Variants in FUT8 observed in about 807,000 individuals in gnomAD.
The protein encoded by FUT8 is alpha-(1,6)-fucosyltransferase.
A neutral mutation model predicts 71.3 loss-of-function variants in FUT8; 29 were observed. That is an observed-to-expected ratio of 0.41 (90% CI 0.30 to 0.55). The LOEUF (loss-of-function observed/expected upper bound fraction) is 0.55. Ranked by LOEUF, FUT8 falls within the 20% of genes least tolerant of loss-of-function variation. The probability of loss-of-function intolerance (pLI) is 0.34; values close to 1 mark genes in which losing one functional copy is unlikely to be tolerated. For missense variants in FUT8, 544 were observed against 702.1 expected, an observed-to-expected ratio of 0.77 and a Z score of 2.55; for synonymous variants, 254 against 239.3, an observed-to-expected ratio of 1.06 and a Z score of -0.57.
At chr14:65,462,840 A>T (rs1057164109) in intron 2 of FUT8, among the ~76,000 whole-genome samples, 4 of 152,242 alleles carry the variant, frequency 2.6e-5, no homozygotes, top group African/African-American at 9.6e-5. Flanking sequence ...ATGTTTTTAG[A>T]TCTGGACAAA....
At chr14:65,687,417 A>G (rs1349137743) in intron 7 of FUT8, among the ~76,000 whole-genome samples, 1 of 152,166 alleles carries the variant, frequency 6.6e-6, no homozygotes, top group Non-Finnish European at 1.5e-5. Context: ...TTTGTATCAT[A>G]TTGTCATTTT....
At chr14:65,624,335 T>C (rs1889783420) in intron 5 of FUT8, among the ~76,000 whole-genome samples, 1 of 152,056 alleles carries the variant, frequency 6.6e-6, no homozygotes, top group Non-Finnish European at 1.5e-5. Context: ...TTGGTTATTC[T>C]GCTTTCTAGG....
At chr14:65,685,598 C>T (rs563159008) in intron 7 of FUT8, among the ~76,000 whole-genome samples, 6 of 152,286 alleles carry the variant, frequency 3.9e-5, no homozygotes, top group African/African-American at 7.2e-5. Context: ...CTACTCCATA[C>T]GCAGAGCAGC....
intron 2 of FUT8, among the ~76,000 whole-genome samples, chr14:65,487,108 G>C (rs910563357): frequency 6.6e-5 from 10 of 152,284 alleles, no homozygotes; most frequent in East Asian, 5.8e-4. Flanking sequence ...GGCCCTGAAG[G>C]AGAGTTCTAA....
chr14:65,558,944 A>G (rs1453619059), intron 2 of FUT8, among the ~76,000 whole-genome samples: 1 of 152,180 alleles, frequency 6.6e-6, no homozygotes, highest in Non-Finnish European at 1.5e-5. Flanking sequence ...CTCAAGTATT[A>G]TCAATATTGA....
intron 7 of FUT8, among the ~76,000 whole-genome samples, chr14:65,706,678 A>G (rs940324395): frequency 1.3e-5 from 2 of 152,126 alleles, no homozygotes; most frequent in African/African-American, 4.8e-5. Flanking sequence ...GGGGCAAACA[A>G]GTTCTCTGGG....
intron 7 of FUT8, among the ~76,000 whole-genome samples, chr14:65,693,955 A>G (rs1255191016): frequency 6.6e-6 from 1 of 152,216 alleles, no homozygotes; most frequent in Non-Finnish European, 1.5e-5. Flanking sequence ...AATTCATGTT[A>G]GCTATCAAAT....
At chr14:65,724,374 A>C (rs768846947) in intron 9 of FUT8, 51 bp downstream of exon 9, 1 of 1,151,028 alleles carries the variant, frequency 8.7e-7, no homozygotes, top group Non-Finnish European at 1.2e-6. Flanking sequence ...CTTTCAGTTT[A>C]AAAGAATTCT....
intron 8 of FUT8, 29 bp from the exon 9 acceptor site, chr14:65,724,118 T>C: frequency 6.5e-7 from 1 of 1,533,514 alleles, no homozygotes; most frequent in Non-Finnish European, 8.8e-7. Context: ...GTCAGTACAT[T>C]ACCAGTAGAA....
At chr14:65,363,970 A>G in the FUT8 span, among the ~76,000 whole-genome samples, 1 of 152,202 alleles carries the variant, frequency 6.6e-6, no homozygotes, top group Non-Finnish European at 1.5e-5. Flanking sequence ...CCTCCCCTAC[A>G]GTGGGGTCAT....
intron 2 of FUT8, among the ~76,000 whole-genome samples, chr14:65,560,391 A>T (rs571758224): frequency 6.6e-6 from 1 of 152,212 alleles, no homozygotes; most frequent in African/African-American, 2.4e-5. Context: ...ATCTTGCCAG[A>T]TTGGTCTCAA....
intron 3 of FUT8, among the ~76,000 whole-genome samples, chr14:65,573,485 A>G (rs1343146455): frequency 1.3e-5 from 2 of 152,160 alleles, no homozygotes; most frequent in Non-Finnish European, 2.9e-5. Context: ...ATAAATCAAA[A>G]AGTATAAACC....
chr14:65,468,127 C>G, intron 2 of FUT8: 1 of 635,970 alleles, frequency 1.6e-6, no homozygotes, highest in Middle Eastern at 2.6e-4. Context: ...GCTTACAGTG[C>G]CAACAGCATG....
chr14:65,518,894 G>C (rs1280740711), intron 2 of FUT8, among the ~76,000 whole-genome samples: 4 of 152,180 alleles, frequency 2.6e-5, no homozygotes, highest in Non-Finnish European at 4.4e-5. Context: ...CTGAGGTTAT[G>C]ATTCCACATA....
chr14:65,634,954 C>T (rs377218723), intron 6 of FUT8, among the ~76,000 whole-genome samples: 2 of 152,176 alleles, frequency 1.3e-5, no homozygotes, highest in Non-Finnish European at 2.9e-5. Flanking sequence ...TGATTCTGCC[C>T]ATCCATGAAC....
chr14:65,724,014 T>G, intron 8 of FUT8, 133 bp from the exon 9 acceptor site: 1 of 572,048 alleles, frequency 1.7e-6, no homozygotes, highest in East Asian at 3.2e-5. Flanking sequence ...GTTTTACTTT[T>G]TCTAATAGTG....
intron 7 of FUT8, among the ~76,000 whole-genome samples, chr14:65,719,886 TGGA>T (rs1895324408): frequency 6.6e-6 from 1 of 152,020 alleles, no homozygotes; most frequent in African/African-American, 2.4e-5. Context: ...CTACCACCAC[TGGA>T]ACTACACTAG....
chr14:65,674,836 T>TTCA (rs1433608183), intron 7 of FUT8, among the ~76,000 whole-genome samples: 24 of 152,192 alleles, frequency 1.6e-4, no homozygotes, highest in African/African-American at 4.8e-4. Context: ...AGTGAGTTGG[T>TTCA]ACCACATATA....
At chr14:65,601,821 A>T (rs1267104704) in intron 3 of FUT8, among the ~76,000 whole-genome samples, 1 of 152,164 alleles carries the variant, frequency 6.6e-6, no homozygotes, top group Non-Finnish European at 1.5e-5. Flanking sequence ...GTTAAAGAGT[A>T]CTTCAAATAT....
Sources: allele counts gnomAD v4.1 joint callset (sites outside exome capture counted in the v4.1 genomes callset), GRCh38; gene constraint gnomAD v4.1.1; transcripts MANE v1.5; gene names NCBI Gene and HGNC (gene_info 2026-07-23, HGNC 2026-07-21).